Variants in TOX observed in about 807,000 individuals in gnomAD.
TOX encodes thymocyte selection associated high mobility group box, also known as thymocyte selection-associated high mobility group box protein TOX.
Under a neutral mutation model 53.7 loss-of-function variants are expected in TOX, and 11 were observed. The observed-to-expected ratio is 0.20, with a 90% CI of 0.13 to 0.34. The LOEUF is 0.34. TOX is among the 10% of genes least tolerant of loss of function. The probability of loss-of-function intolerance (pLI) is 1.00; values close to 1 mark genes in which losing one functional copy is unlikely to be tolerated. For synonymous variants in TOX, 225 were observed against 245.3 expected (o/e 0.92, Z 0.77); for missense variants, 570 against 664.6 (o/e 0.86, Z 1.56).
intron 6 of TOX, among the ~76,000 whole-genome samples, chr8:58,824,777 T>A (rs578135443): frequency 2.0e-5 from 3 of 152,350 alleles, no homozygotes; most frequent in Admixed American, 2.0e-4. Context: ...AGGAAAGGAT[T>A]TCCCTGTTCT....
chr8:59,102,106 A>C (rs1479376175), intron 1 of TOX, among the ~76,000 whole-genome samples: 1 of 152,218 alleles, frequency 6.6e-6, no homozygotes. Flanking sequence ...TATTGGACTT[A>C]CAGTTCCATG....
intron 1 of TOX, among the ~76,000 whole-genome samples, chr8:59,019,169 G>A (rs1814074053): frequency 6.6e-6 from 1 of 152,092 alleles, no homozygotes; most frequent in Admixed American, 6.6e-5. Context: ...TTTCTTTAGT[G>A]TACAAAATTT....
chr8:58,839,086 G>A (rs1810599196), intron 4 of TOX, among the ~76,000 whole-genome samples: 2 of 152,166 alleles, frequency 1.3e-5, no homozygotes, highest in Admixed American at 6.5e-5. Flanking sequence ...TTTGTCCCTA[G>A]ATCTACGGAA....
intron 1 of TOX, among the ~76,000 whole-genome samples, chr8:58,968,160 T>G (rs931877718): frequency 2.0e-5 from 3 of 152,220 alleles, no homozygotes; most frequent in Non-Finnish European, 2.9e-5. Context: ...CAATCCATTT[T>G]CATTATATAT....
intron 1 of TOX, among the ~76,000 whole-genome samples, chr8:59,036,420 G>A (rs946959417): frequency 2.6e-5 from 4 of 152,156 alleles, no homozygotes; most frequent in Non-Finnish European, 5.9e-5. Context: ...CACTCAATGA[G>A]GGGAGACTGT....
intron 4 of TOX, among the ~76,000 whole-genome samples, chr8:58,848,390 T>C (rs114712511): frequency 2.6e-5 from 4 of 152,192 alleles, no homozygotes; most frequent in African/African-American, 9.6e-5. Flanking sequence ...ATTTTCATAT[T>C]TATAGTAAGG....
At chr8:58,817,705 T>C (rs1585841441) in intron 6 of TOX, among the ~76,000 whole-genome samples, 1 of 152,338 alleles carries the variant, frequency 6.6e-6, no homozygotes, top group African/African-American at 2.4e-5. Flanking sequence ...ACAGACTGTG[T>C]TGACTTCATA....
At chr8:59,024,917 G>A (rs1028966046) in intron 1 of TOX, among the ~76,000 whole-genome samples, 4 of 152,066 alleles carry the variant, frequency 2.6e-5, no homozygotes, top group African/African-American at 9.7e-5. Flanking sequence ...TTAATTAATA[G>A]GATTATTAAA....
At chr8:58,968,104 G>T (rs942073511) in intron 1 of TOX, among the ~76,000 whole-genome samples, 2 of 152,140 alleles carry the variant, frequency 1.3e-5, no homozygotes, top group Non-Finnish European at 2.9e-5. Flanking sequence ...AGAAAAAAAT[G>T]CAAGTTTCTA....
chr8:59,010,336 C>T (rs998915739), intron 1 of TOX, among the ~76,000 whole-genome samples: 2 of 152,108 alleles, frequency 1.3e-5, no homozygotes, highest in Non-Finnish European at 2.9e-5. Flanking sequence ...ACTATTATTA[C>T]TATATTTTTA....
At chr8:58,852,805 T>C (rs1466647479) in intron 3 of TOX, among the ~76,000 whole-genome samples, 3 of 152,082 alleles carry the variant, frequency 2.0e-5, no homozygotes, top group Non-Finnish European at 4.4e-5. Context: ...GGAAAAAAGA[T>C]ATATGGTTAA....
At chr8:58,961,742 C>T (rs1175648782) in intron 1 of TOX, among the ~76,000 whole-genome samples, 1 of 148,690 alleles carries the variant, frequency 6.7e-6, no homozygotes, top group Non-Finnish European at 1.5e-5. Flanking sequence ...TGACCTCAGC[C>T]TCCCAAAGCC....
intron 4 of TOX, among the ~76,000 whole-genome samples, chr8:58,843,963 AC>A (rs1047745067): frequency 4.6e-5 from 7 of 152,228 alleles, no homozygotes; most frequent in Admixed American, 4.6e-4. Context: ...TCTTATGACC[AC>A]AAACTATTTG....
chr8:58,998,884 C>T (rs1165312307), intron 1 of TOX, among the ~76,000 whole-genome samples: 1 of 151,914 alleles, frequency 6.6e-6, no homozygotes, highest in African/African-American at 2.4e-5. Context: ...TTCCTAAACT[C>T]TCTGAATTTT....
chr8:58,823,108 C>T (rs762125644), intron 6 of TOX, among the ~76,000 whole-genome samples: 6 of 152,150 alleles, frequency 3.9e-5, no homozygotes, highest in Admixed American at 2.0e-4. Context: ...GTTACAAAAG[C>T]GAGAATATTT....
At chr8:59,090,545 A>T (rs1804592080) in intron 1 of TOX, among the ~76,000 whole-genome samples, 1 of 152,196 alleles carries the variant, frequency 6.6e-6, no homozygotes, top group Non-Finnish European at 1.5e-5. Flanking sequence ...CCACAGAAAA[A>T]GGAGCCCAGG....
intron 1 of TOX, among the ~76,000 whole-genome samples, chr8:59,096,744 C>T (rs1476252413): frequency 6.6e-6 from 1 of 152,124 alleles, no homozygotes; most frequent in Non-Finnish European, 1.5e-5. Context: ...CCTCCAGGAG[C>T]AAGTGTGGGG....
rs1352182887 is a variant in TOX, at chr8:58,851,682, G to C, written c.535C>G (p.Leu179Val). The C allele has an allele frequency of 1.2e-6, 2 of 1,613,694 alleles. No homozygotes were observed. The highest frequency in any genetic ancestry group is 1.1e-5 in the South Asian group (1 of 91,074). Residue 179 changes from leucine to valine, a missense_variant, in exon 4 of 9, where the codon CTG (leucine) becomes GTG (valine). Physicochemically the swap from Leu to Val is conservative, Grantham distance 32 (BLOSUM62 1). Around this residue, in one of 3 missense-constraint regions of TOX, gnomAD observed 282 missense variants for 315.0 expected, o/e 0.90. Transcript: ENST00000361421. This position sits in a 1 kb window ranked among gnomAD's most constrained non-coding sequence, Gnocchi z 4.4. ...QQPGMMPHGQLTTINQSQLSA... is the reference protein window; with the variant it reads ...QQPGMMPHGQVTTINQSQLSA... ...AGCTGTGACTGGTTAATGGTAGTCAGCTGGCCATGTGGCATCATTCCTGGC... is the reference window on the plus strand; with the variant it reads ...AGCTGTGACTGGTTAATGGTAGTCACCTGGCCATGTGGCATCATTCCTGGC...
In TOX at chr8:58,824,995, CAT is replaced by C. The variant is rs1185701742; in HGVS notation, c.1005+1825_1005+1826del. ...TTTAGAATAGGGAAATAATTTATAA[CAT>C]AGTAAAAAAATTATAATGTAGAAAA... On this transcript the variant is annotated intron_variant, in intron 6 of 8. Transcript: ENST00000361421. Among the ~76,000 whole-genome samples, 20 of 152,044 alleles carry C rather than the reference CAT, an allele frequency of 1.3e-4. 1 individual carries two copies. Among genetic ancestry groups the C allele is most frequent in the Admixed American group, 1.2e-3 (18 of 15,264 alleles).
Sources: gnomAD v4.1 joint callset for allele counts (sites outside exome capture counted in the v4.1 genomes callset) on GRCh38, gnomAD v4.1.1 for gene constraint, gnomAD v4.1.1 regional missense constraint, Gnocchi (gnomAD v3.1) non-coding constraint, MANE v1.5 for transcripts, NCBI Gene and HGNC (gene_info 2026-07-23, HGNC 2026-07-21) for gene names.